The following TEX14 variants were observed in gnomAD, a reference collection of about 807,000 sequenced individuals.
The protein encoded by TEX14 is inactive serine/threonine-protein kinase TEX14.
TEX14 carries 168 observed loss-of-function variants against 178.6 expected under a neutral mutation model. The observed-to-expected ratio is 0.94, with a 90% CI of 0.83 to 1.07. TEX14 has a LOEUF of 1.07. TEX14 is among the 50% of genes least tolerant of loss of function. The probability of loss-of-function intolerance (pLI) is 0.00; values close to 1 mark genes in which losing one functional copy is unlikely to be tolerated. For missense variants in TEX14, 1,730 were observed against 1,753.6 expected, an observed-to-expected ratio of 0.99 and a Z score of 0.24; for synonymous variants, 626 against 634.1, an observed-to-expected ratio of 0.99 and a Z score of 0.19.
At position 58,654,609 on chromosome 17, in the gene TEX14, C is replaced by T. The variant is rs191154199; in HGVS notation, c.-1-2607G>A. Among the ~76,000 whole-genome samples, 76 of 150,042 alleles carry T rather than the reference C, an allele frequency of 5.1e-4. 1 individual carries two copies. In the East Asian group the frequency reaches 0.014, roughly 27 times the overall value. On this transcript the variant is annotated intron_variant, in intron 1 of 31. Coordinates refer to ENST00000349033, the MANE Select transcript of TEX14 (RefSeq NM_031272.5). ...GCAATCTCCACCTCCTGGGTTCAAACGATTCTCAGACCTCAGGCTCCCAAG... is the reference window on the plus strand; with the variant it reads ...GCAATCTCCACCTCCTGGGTTCAAATGATTCTCAGACCTCAGGCTCCCAAG...
intron 1 of TEX14, among the ~76,000 whole-genome samples, chr17:58,685,333 G>A (rs2047572533): frequency 6.6e-6 from 1 of 151,806 alleles, no homozygotes; most frequent in Admixed American, 6.6e-5. Flanking sequence ...CTACTCAGGA[G>A]GCTGAGGCAG....
intron 2 of TEX14, among the ~76,000 whole-genome samples, chr17:58,642,158 A>G (rs538328191): frequency 1.3e-5 from 2 of 152,344 alleles, no homozygotes; most frequent in Admixed American, 6.5e-5. Context: ...TTTCACCTCA[A>G]TTAACACATC....
intron 1 of TEX14, among the ~76,000 whole-genome samples, chr17:58,658,811 T>C (rs2047023423): frequency 6.6e-6 from 1 of 152,040 alleles, no homozygotes; most frequent in Admixed American, 6.6e-5. Flanking sequence ...TTTTTTTTTT[T>C]ACTTTTCTTC....
intron 1 of TEX14, among the ~76,000 whole-genome samples, chr17:58,684,010 A>T (rs1176162554): frequency 6.6e-6 from 1 of 152,114 alleles, no homozygotes. Context: ...GGTTGCAGTG[A>T]GCCGAGATGG....
intron 1 of TEX14, among the ~76,000 whole-genome samples, chr17:58,657,606 C>T (rs982904653): frequency 4.1e-5 from 6 of 147,682 alleles, no homozygotes; most frequent in South Asian, 2.1e-4. Context: ...CCTCTGCCTC[C>T]GGGGTTCAAA....
intron 1 of TEX14, among the ~76,000 whole-genome samples, chr17:58,667,678 A>G (rs1483908576): frequency 6.6e-6 from 1 of 152,166 alleles, no homozygotes; most frequent in African/African-American, 2.4e-5. Context: ...TGAGGTCAGG[A>G]GTTCGAGACC....
chr17:58,570,529 TA>T (rs1422275822), intron 24 of TEX14, 45 bp from the exon 25 acceptor site: 2 of 1,337,794 alleles, frequency 1.5e-6, no homozygotes, highest in African/African-American at 1.6e-5. Flanking sequence ...TGTGTTGAGC[TA>T]AAAAGGCATA....
chr17:58,649,623 G>A (rs747900492), intron 2 of TEX14, among the ~76,000 whole-genome samples: 14 of 152,140 alleles, frequency 9.2e-5, no homozygotes, highest in Admixed American at 4.6e-4. Flanking sequence ...GATAATAAAT[G>A]TCATAATACT....
Position 58,611,174 on chromosome 17 carries a change from A to C in TEX14, c.1171T>G (p.Tyr391Asp). Residue 391 changes from tyrosine (Y) to aspartate (D), a missense_variant, in exon 10 of 32, where the codon TAC (tyrosine) becomes GAC (aspartate). Coordinates refer to ENST00000349033, the MANE Select transcript of TEX14 (RefSeq NM_031272.5). The stretch of plus-strand genomic sequence containing the variant: ...TGTTATGCCCACCTTTCCAACATGT[A>C]CTCCAGGTTGGTCAGCCTCGCTTCA... ...PGEARLTNLE[Y>D]MLESEDRGVQ... 1 of 1,613,192 alleles carries C rather than the reference A, an allele frequency of 6.2e-7. No homozygotes were observed. The highest frequency in any genetic ancestry group is 1.1e-5 in the South Asian group (1 of 91,016).
chr17:58,612,312 G>T (rs1031046024), intron 9 of TEX14, among the ~76,000 whole-genome samples: 1 of 152,190 alleles, frequency 6.6e-6, no homozygotes, highest in Non-Finnish European at 1.5e-5. Flanking sequence ...GACTAGGCTG[G>T]CTGCAGTGGC....
At position 58,668,137 on chromosome 17, in the gene TEX14, A is replaced by C. The variant is rs552984143; in HGVS notation, c.-1-16135T>G. ...TCTTCAGCAAGAATCCTGTTAGATCAGTTTAGCCAGAATTCCTCTTACCCC... is the reference window on the plus strand; with the variant it reads ...TCTTCAGCAAGAATCCTGTTAGATCCGTTTAGCCAGAATTCCTCTTACCCC... On this transcript the variant is annotated intron_variant, in intron 1 of 31. Transcript: ENST00000349033. Among the ~76,000 whole-genome samples, 7 of 152,272 alleles carry C rather than the reference A, an allele frequency of 4.6e-5. No homozygotes were observed. The East Asian group carries it at 1.4e-3, about 29-fold the overall frequency.
At chr17:58,579,390 C>A (rs1002797523) in intron 20 of TEX14, among the ~76,000 whole-genome samples, 1 of 152,020 alleles carries the variant, frequency 6.6e-6, no homozygotes, top group African/African-American at 2.4e-5. Flanking sequence ...GCTTGAGAGA[C>A]CAAAGGGGGA....
chr17:58,632,661 T>A (rs75432502), intron 2 of TEX14, among the ~76,000 whole-genome samples: 7,936 of 152,206 alleles, frequency 0.052, 683 homozygotes, highest in African/African-American at 0.18. Flanking sequence ...CCTGCAAACG[T>A]AACCGCACAG....
intron 28 of TEX14, among the ~76,000 whole-genome samples, chr17:58,563,596 G>C (rs943727947): frequency 7.5e-6 from 1 of 132,502 alleles, no homozygotes; most frequent in Admixed American, 7.9e-5. Context: ...AGTTCAGCCT[G>C]GGCAACATAA....
intron 2 of TEX14, among the ~76,000 whole-genome samples, chr17:58,643,553 C>A (rs2046621748): frequency 7.9e-6 from 1 of 126,926 alleles, no homozygotes; most frequent in South Asian, 2.7e-4. Context: ...CATAGTGAGA[C>A]CCTGTCTCAA....
intron 11 of TEX14, among the ~76,000 whole-genome samples, chr17:58,603,345 A>G (rs565348501): frequency 6.7e-6 from 1 of 150,318 alleles, no homozygotes; most frequent in African/African-American, 2.4e-5. Flanking sequence ...ACCTGAGGTC[A>G]GAGGTTGAAA....
intron 18 of TEX14, 93 bp from the exon 19 acceptor site, chr17:58,584,693 A>T: frequency 1.9e-6 from 2 of 1,035,850 alleles, no homozygotes; most frequent in South Asian, 2.6e-5. Context: ...AGAGATGTAT[A>T]CATATTCTGC....
Position 58,599,448 on chromosome 17 carries a change from C to G in TEX14, c.1897G>C (p.Glu633Gln). The G allele has an allele frequency of 6.2e-7, 1 of 1,614,128 alleles. No homozygotes were observed. The highest frequency in any genetic ancestry group is 8.5e-7 in the Non-Finnish European group (1 of 1,180,020). Residue 633 changes from glutamate to glutamine, a missense_variant, in exon 14 of 32, where the codon GAA (glutamate) becomes CAA (glutamine). Coordinates refer to ENST00000349033, the MANE Select transcript of TEX14 (RefSeq NM_031272.5). ...NEIYSGCLIL[E>Q]DDIEEPPGAA... is the part of the protein sequence containing the mutation. ...CCTGGAGGCTCTTCTATGTCATCTT[C>G]CAAAATCAAGCAGCCTGAGTAGATC...
chr17:58,580,323 A>T (rs982415458), intron 19 of TEX14, among the ~76,000 whole-genome samples: 8 of 152,004 alleles, frequency 5.3e-5, no homozygotes, highest in South Asian at 4.2e-4. Flanking sequence ...ATATATATAT[A>T]TTTTTTGAGA....
Sources: gnomAD v4.1 joint callset for allele counts (sites outside exome capture counted in the v4.1 genomes callset) on GRCh38, gnomAD v4.1.1 for gene constraint, MANE v1.5 for transcripts, NCBI Gene and HGNC (gene_info 2026-07-23, HGNC 2026-07-21) for gene names.